DDA1: variants seen among roughly 807,000 people sequenced by gnomAD.
DDA1 encodes the protein DET1 and DDB1 associated 1, also known as DET1- and DDB1-associated protein 1.
Under a neutral mutation model 18.6 loss-of-function variants are expected in DDA1, and 3 were observed. That is an observed-to-expected ratio of 0.16 (90% CI 0.07 to 0.42). The LOEUF (loss-of-function observed/expected upper bound fraction) is 0.42. Among genes scored for constraint, DDA1 ranks in the 10% least tolerant of loss-of-function variants. The probability of loss-of-function intolerance (pLI) is 0.99; values close to 1 mark genes in which losing one functional copy is unlikely to be tolerated. For missense variants in DDA1, 105 were observed against 138.2 expected (o/e 0.76, Z 1.20); for synonymous variants, 52 against 54.0 (o/e 0.96, Z 0.17).
intron 4 of DDA1, among the ~76,000 whole-genome samples, chr19:17,317,318 G>T (rs2074218513): frequency 6.6e-6 from 1 of 152,130 alleles, no homozygotes; most frequent in Non-Finnish European, 1.5e-5. Flanking sequence ...GACCATCCTG[G>T]CTAACACGGT....
chr19:17,315,436 A>G (rs1291545777), intron 3 of DDA1, among the ~76,000 whole-genome samples: 4,350 of 120,248 alleles, frequency 0.036, 214 homozygotes, highest in Non-Finnish European at 0.053. Context: ...GTGCATATAT[A>G]TATATATATA....
At chr19:17,312,318 T>C (rs2074182824) in intron 1 of DDA1, among the ~76,000 whole-genome samples, 1 of 152,060 alleles carries the variant, frequency 6.6e-6, no homozygotes, top group Non-Finnish European at 1.5e-5. Flanking sequence ...GAGGTGGACA[T>C]GTAAGCAGAT....
chr19:17,316,215 G>T (rs2074212125), intron 4 of DDA1, among the ~76,000 whole-genome samples: 3 of 152,192 alleles, frequency 2.0e-5, no homozygotes, highest in Admixed American at 2.0e-4. Context: ...TGGAGGCCAG[G>T]CCCAAGTAGC....
chr19:17,322,199 C>T lies in DDA1; in HGVS notation c.*2543C>T. ...TCGCTCTGCAGGGCTGCTGGGCGGG[C>T]ACCTCCTTCCCCTCCCCTACCTCAG... On this transcript the variant is annotated 3_prime_UTR_variant, in exon 5 of 5. Transcript: ENST00000359866. 1 of 153,202 alleles carries T rather than the reference C, an allele frequency of 6.5e-6. No homozygotes were observed. The highest frequency in any genetic ancestry group is 1.5e-5 in the Non-Finnish European group (1 of 68,668). The allele number at this position is 153,202 out of a possible 1,614,324, so 9.5% of individuals were successfully genotyped here.
intron 3 of DDA1, 73 bp from the exon 4 acceptor site, chr19:17,315,861 C>T (rs766225944): frequency 1.4e-6 from 2 of 1,450,728 alleles, no homozygotes; most frequent in Non-Finnish European, 1.9e-6. Flanking sequence ...CCAAAAAGAC[C>T]TCCCAGGGCA....
chr19:17,312,163 G>A (rs2074182027), intron 1 of DDA1, among the ~76,000 whole-genome samples: 1 of 152,134 alleles, frequency 6.6e-6, no homozygotes, highest in Admixed American at 6.5e-5. Context: ...CACAACCAGG[G>A]ACGGGCTAAG....
At chr19:17,313,433 C>CTTTTT (rs57148595) in intron 1 of DDA1, among the ~76,000 whole-genome samples, 2 of 82,560 alleles carry the variant, frequency 2.4e-5, no homozygotes, top group African/African-American at 5.0e-5. Context: ...TTGAAAATGG[C>CTTTTT]TTTTTTTTTT....
intron 1 of DDA1, among the ~76,000 whole-genome samples, chr19:17,310,637 C>T (rs1245607575): frequency 1.3e-5 from 2 of 152,206 alleles, no homozygotes; most frequent in African/African-American, 4.8e-5. Flanking sequence ...CCACAATCCA[C>T]AGTCCTTGGG....
chr19:17,318,202 G>A (rs940195903), intron 4 of DDA1, among the ~76,000 whole-genome samples: 5 of 151,846 alleles, frequency 3.3e-5, no homozygotes, highest in East Asian at 1.9e-4. Context: ...ACAGGCACGC[G>A]CCACCATGCC....
chr19:17,319,514 C>T, intron 4 of DDA1, 32 bp from the exon 5 acceptor site: 1 of 1,543,522 alleles, frequency 6.5e-7, no homozygotes, highest in Non-Finnish European at 8.8e-7. Flanking sequence ...AAAAAAAAGA[C>T]TCACAGCCCC....
At chr19:17,312,584 G>A (rs988432708) in intron 1 of DDA1, among the ~76,000 whole-genome samples, 1 of 152,144 alleles carries the variant, frequency 6.6e-6, no homozygotes, top group Non-Finnish European at 1.5e-5. Flanking sequence ...CTGCATCCCT[G>A]CGTCTGGGCA....
At chr19:17,309,734 C>T in intron 1 of DDA1, 77 bp downstream of exon 1, 1 of 1,539,228 alleles carries the variant, frequency 6.5e-7, no homozygotes, top group Admixed American at 1.9e-5. Context: ...CTCTAGTATC[C>T]CCCTAGGCCC....
In DDA1 at chr19:17,319,542, C is replaced by T; in HGVS notation, c.199-4C>T. 6.4e-7 allele frequency: 1 copy of T among 1,559,892 alleles called. No individual in the cohort carries two copies. Among genetic ancestry groups the T allele is most frequent in the Non-Finnish European group, 8.7e-7 (1 of 1,151,684 alleles). On this transcript the variant is annotated splice_region_variant and splice_polypyrimidine_tract_variant and intron_variant, in intron 4 of 4. Coordinates refer to ENST00000359866, the MANE Select transcript of DDA1 (RefSeq NM_024050.6). The stretch of plus-strand genomic sequence containing the variant: ...ACAGCCCCTCTCTTTTCCCTGTCCC[C>T]CAGAACGCTGCCAAGAAGAGAGACC...
chr19:17,314,154 TG>T lies in DDA1; in HGVS notation c.84+56del. On this transcript the variant is annotated intron_variant, in intron 2 of 4. Transcript: ENST00000359866. This position sits in a 1 kb window ranked among gnomAD's most constrained non-coding sequence, Gnocchi z 4.6. ...AGGAATTGGTCACTTCCAGGGGGCC[TG>T]GGGGCAGCTTGTGTCCCCCGATTGG... 1 of 1,596,362 alleles carries T rather than the reference TG, an allele frequency of 6.3e-7. No homozygotes were observed. Among genetic ancestry groups the T allele is most frequent in the Non-Finnish European group, 8.6e-7 (1 of 1,164,730 alleles).
intron 3 of DDA1, among the ~76,000 whole-genome samples, chr19:17,315,183 GTA>G (rs1463239421): frequency 4.1e-5 from 1 of 24,194 alleles, no homozygotes; most frequent in Admixed American, 2.6e-4. Flanking sequence ...ACACACACGT[GTA>G]TACACACACG....
chr19:17,317,635 A>G (rs1194717991), intron 4 of DDA1, among the ~76,000 whole-genome samples: 3 of 149,598 alleles, frequency 2.0e-5, no homozygotes, highest in Non-Finnish European at 4.4e-5. Context: ...GGAGTTTGAG[A>G]CCAGTCTAGG....
rs1447759926 is a variant in DDA1 at position 17,319,762 on chromosome 19, T to C, written c.*106T>C. 1.6e-5 allele frequency: 15 copies of C among 913,364 alleles called. No homozygotes were observed. The highest frequency in any genetic ancestry group is 2.3e-5 in the Non-Finnish European group (14 of 600,110). The allele number at this position is 913,364 out of a possible 1,614,324, so 56.6% of individuals were successfully genotyped here. ...GCCCGCCCGCCTCCCTGCCGGCCCA[T>C]CCACACCCTGCGTCCACACCACTTC... On this transcript the variant is annotated 3_prime_UTR_variant, in exon 5 of 5. Coordinates refer to ENST00000359866, the MANE Select transcript of DDA1 (RefSeq NM_024050.6).
At chr19:17,315,442 A>G (rs1325872851) in intron 3 of DDA1, among the ~76,000 whole-genome samples, 2 of 120,560 alleles carry the variant, frequency 1.7e-5, no homozygotes, top group Non-Finnish European at 3.7e-5. Context: ...ATATATATAT[A>G]TATATATATA....
rs35247114 is a variant in DDA1, at chr19:17,315,431, T to TGTGCGC, written c.137-503_137-502insGTGCGC. On this transcript the variant is annotated intron_variant, in intron 3 of 4. Coordinates refer to ENST00000359866, the MANE Select transcript of DDA1 (RefSeq NM_024050.6). ...ATACGTGTGTGTGTGTGTGTGTGCA[T>TGTGCGC]ATATATATATATATATATATATATT... Among the ~76,000 whole-genome samples the TGTGCGC allele has an allele frequency of 6.1e-5, 6 of 98,520 alleles. 1 individual carries two copies. The highest frequency in any genetic ancestry group is 2.9e-4 in the South Asian group (1 of 3,506). The allele number at this position is 98,520 out of a possible 152,430, so 64.6% of individuals were successfully genotyped here. A position where few individuals can be genotyped will look rare whatever the true frequency, so the allele number is the denominator to read the frequency against.
Sources: allele counts gnomAD v4.1 joint callset (sites outside exome capture counted in the v4.1 genomes callset), GRCh38; gene constraint gnomAD v4.1.1; non-coding constraint Gnocchi (gnomAD v3.1); transcripts MANE v1.5; gene names NCBI Gene and HGNC (gene_info 2026-07-23, HGNC 2026-07-21).